NFASC: variants seen among roughly 807,000 people sequenced by gnomAD.
NFASC encodes neurofascin.
NFASC carries 43 observed loss-of-function variants against 147.5 expected under a neutral mutation model. The observed-to-expected ratio is 0.29, with a 90% CI of 0.23 to 0.38. The LOEUF (loss-of-function observed/expected upper bound fraction) is 0.38, where lower values mean the gene tolerates loss of function less well. Ranked by LOEUF, NFASC falls within the 10% of genes least tolerant of loss-of-function variation. The pLI is 1.00. For synonymous variants in NFASC, 622 were observed against 665.5 expected, an observed-to-expected ratio of 0.93 and a Z score of 1.01; for missense variants, 1,320 against 1,689.0, an observed-to-expected ratio of 0.78 and a Z score of 3.83.
At chr1:204,842,800 T>C (rs996853960) in intron 1 of NFASC, among the ~76,000 whole-genome samples, 2 of 152,246 alleles carry the variant, frequency 1.3e-5, no homozygotes, top group Admixed American at 6.5e-5. Context: ...GTTTGACTGG[T>C]GGGCCCGCAG....
intron 3 of NFASC, among the ~76,000 whole-genome samples, chr1:204,945,565 T>G (rs116491132): frequency 0.011 from 1,733 of 152,328 alleles, 14 homozygotes; most frequent in Admixed American, 0.02. Context: ...ACACCAGTAG[T>G]AACTGTAAGT....
intron 23 of NFASC, chr1:204,989,158 C>T (rs2095669664): frequency 3.3e-6 from 1 of 302,566 alleles, no homozygotes; most frequent in Non-Finnish European, 6.4e-6. Flanking sequence ...TGAGTGTTCA[C>T]CTCTTGAGGG....
In NFASC at chr1:204,997,240, T is replaced by G; in HGVS notation, c.2853T>G (p.Ile951Met). 6.2e-7 allele frequency: 1 copy of G among 1,613,428 alleles called. No homozygotes were observed. Among genetic ancestry groups the G allele is most frequent in the Non-Finnish European group, 8.5e-7 (1 of 1,179,786 alleles). ...GAVSSTDATAIAATTEATTVP... is the reference protein window; with the variant it reads ...GAVSSTDATAMAATTEATTVP... Reference sequence around the variant, plus strand: ...TGAGCAGTACCGATGCTACTGCCATTGCTGCCACCACCGAAGCCACAACAG... The same window carrying G: ...TGAGCAGTACCGATGCTACTGCCATGGCTGCCACCACCGAAGCCACAACAG... Residue 951 changes from isoleucine (I) to methionine (M), a missense_variant, in exon 25 of 30, where the codon ATT (isoleucine) becomes ATG (methionine). Transcript: ENST00000339876.
At chr1:205,003,081 G>A (rs1019694122) in intron 27 of NFASC, among the ~76,000 whole-genome samples, 7 of 152,180 alleles carry the variant, frequency 4.6e-5, no homozygotes, top group African/African-American at 1.7e-4. Flanking sequence ...GTGGGTCTGG[G>A]GGCTGCAGGA....
At chr1:204,948,993 T>C (rs1005778622) in intron 3 of NFASC, among the ~76,000 whole-genome samples, 3 of 152,212 alleles carry the variant, frequency 2.0e-5, no homozygotes, top group African/African-American at 7.2e-5. Context: ...TGGGTGAAGA[T>C]GCTGTGGAGA....
Position 204,954,236 on chromosome 1 carries a change from C to T in NFASC, c.264C>T (p.Pro88=). The stretch of plus-strand genomic sequence containing the variant: ...GATTCTTCAACATCGCCAAGGACCC[C>T]CGGGTGTCCATGAGGAGGAGGTCTG... ...NSRFFNIAKD[P]RVSMRRRSGT... Residue 88 remains proline (P), a synonymous_variant, in exon 6 of 30, where the codon CCC becomes CCT. Coordinates refer to ENST00000339876, the MANE Select transcript of NFASC (RefSeq NM_001005388.3). This position sits in a 1 kb window ranked among gnomAD's most constrained non-coding sequence, Gnocchi z 5.7. 1.9e-6 allele frequency: 3 copies of T among 1,614,212 alleles called. No homozygotes were observed. Among genetic ancestry groups the T allele is most frequent in the Non-Finnish European group, 2.5e-6 (3 of 1,180,046 alleles).
In NFASC at chr1:204,962,258, C is replaced by G. The variant is rs1038151447; in HGVS notation, c.706+4432C>G. ...GTCATTAACTCCTGCTGGGTGGCAG[C>G]TGGCCCAGCCAGGGTGCCAAGGTGA... On this transcript the variant is annotated intron_variant, in intron 8 of 29. Transcript: ENST00000339876. 30 of 1,052,978 alleles carry G rather than the reference C, an allele frequency of 2.8e-5. No individual in the cohort carries two copies. In the African/African-American group the frequency reaches 4.7e-4, roughly 17 times the overall value. 65.2% of individuals were successfully genotyped at this position (1,052,978 alleles called of 1,614,324 possible).
intron 28 of NFASC, among the ~76,000 whole-genome samples, chr1:205,012,401 T>C (rs2096269912): frequency 6.6e-6 from 1 of 152,194 alleles, no homozygotes; most frequent in African/African-American, 2.4e-5. Context: ...GTGATAGGCA[T>C]GAAAAAACGT....
chr1:204,831,510 T>C (rs1250939630), intron 1 of NFASC, among the ~76,000 whole-genome samples: 1 of 151,846 alleles, frequency 6.6e-6, no homozygotes, highest in Non-Finnish European at 1.5e-5. Context: ...CTGATCAGTA[T>C]ATTGCAACTT....
At chr1:204,983,107 T>A (rs956877628) in intron 21 of NFASC, among the ~76,000 whole-genome samples, 1 of 152,156 alleles carries the variant, frequency 6.6e-6, no homozygotes, top group Non-Finnish European at 1.5e-5. Flanking sequence ...TGGCATCTGG[T>A]CATGGATTTT....
rs2096336817 is a variant in NFASC at position 205,015,451 on chromosome 1, C to T, written c.3492-857C>T. On this transcript the variant is annotated intron_variant, in intron 29 of 29. Transcript: ENST00000339876. This position sits in a 1 kb window ranked among gnomAD's most constrained non-coding sequence, Gnocchi z 4.0. ...CATGGTGCCTGAACAGACGCTGGCT[C>T]AGAGAGCAGCCCCGCGCCTCCTCAG... Among the ~76,000 whole-genome samples, 1 of 152,186 alleles carries T rather than the reference C, an allele frequency of 6.6e-6. No individual in the cohort carries two copies.
chr1:204,960,581 G>C (rs1449219779), intron 8 of NFASC, among the ~76,000 whole-genome samples: 2 of 152,232 alleles, frequency 1.3e-5, no homozygotes, highest in African/African-American at 4.8e-5. Context: ...CACGAGGTCA[G>C]TTCTGGGCGT....
intron 25 of NFASC, 24 bp downstream of exon 25, chr1:204,997,430 C>T: frequency 1.3e-6 from 2 of 1,551,718 alleles, no homozygotes; most frequent in East Asian, 2.4e-5. Context: ...CCCATGCTCC[C>T]CATCCCCTCC....
At chr1:204,842,852 G>A (rs941408339) in intron 1 of NFASC, among the ~76,000 whole-genome samples, 1 of 152,248 alleles carries the variant, frequency 6.6e-6, no homozygotes, top group African/African-American at 2.4e-5. Flanking sequence ...GCCCTCAGCA[G>A]TGGGGCCATC....
intron 8 of NFASC, chr1:204,962,069 G>C: frequency 1.3e-6 from 2 of 1,553,940 alleles, no homozygotes; most frequent in East Asian, 2.3e-5. Flanking sequence ...TGACTTCTCC[G>C]TGGCCTCCTG....
At chr1:204,961,816 CAATT>C (rs1393586415) in intron 8 of NFASC, among the ~76,000 whole-genome samples, 1 of 152,204 alleles carries the variant, frequency 6.6e-6, no homozygotes, top group Non-Finnish European at 1.5e-5. Context: ...ATAGCAGGAC[CAATT>C]AATTAAAGTT....
At chr1:204,831,354 G>A (rs1443319963) in intron 1 of NFASC, among the ~76,000 whole-genome samples, 1 of 150,792 alleles carries the variant, frequency 6.6e-6, no homozygotes, top group African/African-American at 2.4e-5. Context: ...TGAACTGGCT[G>A]CGCTCACAAG....
At chr1:204,926,352 C>T (rs1372178458) in intron 2 of NFASC, among the ~76,000 whole-genome samples, 5 of 137,872 alleles carry the variant, frequency 3.6e-5, no homozygotes, top group African/African-American at 1.4e-4. Context: ...ACAAAGGCTT[C>T]CAAGTCCTTA....
At chr1:204,984,832 G>C (rs757820423) in intron 21 of NFASC, among the ~76,000 whole-genome samples, 1 of 152,084 alleles carries the variant, frequency 6.6e-6, no homozygotes, top group Non-Finnish European at 1.5e-5. Flanking sequence ...GGGTATACAC[G>C]GCGCTCCCTT....
Sources: allele counts gnomAD v4.1 joint callset (sites outside exome capture counted in the v4.1 genomes callset), GRCh38; gene constraint gnomAD v4.1.1; non-coding constraint Gnocchi (gnomAD v3.1); transcripts MANE v1.5; gene names NCBI Gene and HGNC (gene_info 2026-07-23, HGNC 2026-07-21).